The following NPTN variants were observed in gnomAD, a reference collection of about 807,000 sequenced individuals.
The protein encoded by NPTN is neuroplastin, also known as SDR-1.
A neutral mutation model predicts 42.7 loss-of-function variants in NPTN; 5 were observed. That is an observed-to-expected ratio of 0.12 (90% CI 0.06 to 0.25). The LOEUF (loss-of-function observed/expected upper bound fraction) is 0.25. NPTN is among the 10% of genes least tolerant of loss of function. NPTN has a pLI of 1.00. For synonymous variants in NPTN, 180 were observed against 201.9 expected (o/e 0.89, Z 0.92); for missense variants, 307 against 525.4 (o/e 0.58, Z 4.06).
Position 73,569,124 on chromosome 15 carries a change from C to T in NPTN, c.1114+1026G>A. On this transcript the variant is annotated intron_variant, in intron 6 of 8. Coordinates refer to ENST00000345330, the MANE Select transcript of NPTN (RefSeq NM_012428.4). This position sits in a 1 kb window ranked among gnomAD's most constrained non-coding sequence, Gnocchi z 4.1. ...ACCCCGGGTAGGCTACCACTGAGCC[C>T]AGGGGCACACCCATCTGTCTAGTCT... is the stretch of plus-strand genomic sequence containing the variant. The T allele has an allele frequency of 1.0e-6, 1 of 985,628 alleles. No homozygotes were observed. Among genetic ancestry groups the T allele is most frequent in the Non-Finnish European group, 1.2e-6 (1 of 830,092 alleles). 61.1% of individuals were successfully genotyped at this position (985,628 alleles called of 1,614,324 possible). A position where few individuals can be genotyped will look rare whatever the true frequency, so the allele number is the denominator to read the frequency against.
At chr15:73,574,819 C>T (rs535589191) in intron 4 of NPTN, among the ~76,000 whole-genome samples, 1 of 152,134 alleles carries the variant, frequency 6.6e-6, no homozygotes, top group Admixed American at 6.5e-5. Flanking sequence ...TGCTAGAGGC[C>T]GTTGGTCTTC....
intron 4 of NPTN, among the ~76,000 whole-genome samples, chr15:73,576,145 G>A (rs1895683439): frequency 6.6e-6 from 1 of 152,168 alleles, no homozygotes; most frequent in African/African-American, 2.4e-5. Flanking sequence ...ATGCCCGAAG[G>A]GTTACCATGT....
intron 4 of NPTN, among the ~76,000 whole-genome samples, chr15:73,577,406 C>A (rs1895757264): frequency 6.6e-6 from 1 of 152,158 alleles, no homozygotes; most frequent in African/African-American, 2.4e-5. Flanking sequence ...ACCGTCTTTG[C>A]AAAATTATGA....
Position 73,592,044 on chromosome 15 carries a change from G to A in NPTN, c.533C>T (p.Thr178Ile). The A allele has an allele frequency of 6.2e-7, 1 of 1,614,102 alleles. No homozygotes were observed. The highest frequency in any genetic ancestry group is 8.5e-7 in the Non-Finnish European group (1 of 1,179,984). ...CTTTGTCCAGTAGCTGTATGTAAGG[G>A]TGTGAGAGCTGGAGGTGAGGTTACA... is the stretch of plus-strand genomic sequence containing the variant. ...LQCNLTSSSH[T>I]LTYSYWTKNG... The change falls in exon 3 of 9, where the codon ACC (threonine) becomes ATC (isoleucine). Residue 178 changes from threonine (T) to isoleucine (I), a missense_variant. Around this residue, in one of 2 missense-constraint regions of NPTN, gnomAD observed 264 missense variants for 491.1 expected, o/e 0.54. Transcript: ENST00000345330.
intron 1 of NPTN, chr15:73,599,643 A>AAAGG (rs1336144728): frequency 1.4e-5 from 2 of 142,892 alleles, no homozygotes; most frequent in South Asian, 2.3e-4. Flanking sequence ...GAAAGAAAGA[A>AAAGG]AAGGAAGGGA....
In NPTN at chr15:73,561,931, C is replaced by T; in HGVS notation, c.1176G>A (p.Leu392=). The T allele has an allele frequency of 6.3e-7, 1 of 1,596,594 alleles. No individual in the cohort carries two copies. Among genetic ancestry groups the T allele is most frequent in the Non-Finnish European group, 8.5e-7 (1 of 1,175,254 alleles). ...GTACTTAATTTGTGTTTCTCTGGCGCAAGTTTTTATCTTTGTGATTGTTGG... is the reference window on the plus strand; with the variant it reads ...GTACTTAATTTGTGTTTCTCTGGCGTAAGTTTTTATCTTTGTGATTGTTGG... ...NSTNNHKDKN[L]RQRNTN The change falls in exon 8 of 9, where the codon TTG becomes TTA. Residue 392 remains leucine, a synonymous_variant. Transcript: ENST00000345330.
intron 7 of NPTN, among the ~76,000 whole-genome samples, 198 bp downstream of exon 7, chr15:73,563,038 G>A (rs1894777268): frequency 6.6e-6 from 1 of 152,044 alleles, no homozygotes; most frequent in African/African-American, 2.4e-5. Context: ...ATGGCCACTG[G>A]AAAACAAGAC....
chr15:73,615,104 T>A (rs2306463), intron 1 of NPTN, among the ~76,000 whole-genome samples: 2,130 of 152,090 alleles, frequency 0.014, 24 homozygotes, highest in East Asian at 0.054. Context: ...AAGAGATGGA[T>A]GTTCACAGTT....
At chr15:73,632,854 C>G in intron 1 of NPTN, 1 of 361,996 alleles carries the variant, frequency 2.8e-6, no homozygotes, top group East Asian at 4.1e-5. Context: ...CTCGCCGACC[C>G]GGCACGACGA....
At chr15:73,595,486 T>C (rs1317968681) in intron 2 of NPTN, among the ~76,000 whole-genome samples, 2 of 152,210 alleles carry the variant, frequency 1.3e-5, no homozygotes, top group Non-Finnish European at 2.9e-5. Flanking sequence ...GGACTCTTTT[T>C]TTACCCATAG....
At chr15:73,617,597 T>C (rs930932709) in intron 1 of NPTN, among the ~76,000 whole-genome samples, 1 of 152,186 alleles carries the variant, frequency 6.6e-6, no homozygotes, top group African/African-American at 2.4e-5. Flanking sequence ...CCTGTCAAGT[T>C]TTTCCAGTGG....
chr15:73,615,521 T>C (rs112070955), intron 1 of NPTN, among the ~76,000 whole-genome samples: 21 of 152,282 alleles, frequency 1.4e-4, no homozygotes, highest in African/African-American at 4.8e-4. Context: ...GCAATGCTTT[T>C]ACTATAAACA....
rs1894590955 is a variant in NPTN at position 73,560,367 on chromosome 15, AAAAGATAATC to A, written c.*686_*695del. 6.4e-6 allele frequency: 1 copy of A among 155,776 alleles called. No homozygotes were observed. The highest frequency in any genetic ancestry group is 6.5e-5 in the Admixed American group (1 of 15,304). 9.6% of individuals were successfully genotyped at this position (155,776 alleles called of 1,614,324 possible). A position where few individuals can be genotyped will look rare whatever the true frequency, so the allele number is the denominator to read the frequency against. ...ATGAATTTACATGACTTAACAGAAG[AAAAGATAATC>A]ACTTAAAAAGCAATCATACGTATAT... On this transcript the variant is annotated 3_prime_UTR_variant, in exon 9 of 9. Coordinates refer to ENST00000345330, the MANE Select transcript of NPTN (RefSeq NM_012428.4).
rs1566997863 is a variant in NPTN, at chr15:73,633,349, C to G, written c.-134G>C. The stretch of plus-strand genomic sequence containing the variant: ...GGAGGCAGCCGCGGCTCGGCTCCGT[C>G]CTTCCCCGTCCTCCTCCTGCCGCCG... On this transcript the variant is annotated 5_prime_UTR_variant, in exon 1 of 9. Transcript: ENST00000345330. 3 of 582,390 alleles carry G rather than the reference C, an allele frequency of 5.2e-6. No individual in the cohort carries two copies. The African/African-American group carries it at 5.8e-5, about 11-fold the overall frequency. 36.1% of individuals were successfully genotyped at this position (582,390 alleles called of 1,614,324 possible). A position where few individuals can be genotyped will look rare whatever the true frequency, so the allele number is the denominator to read the frequency against.
intron 2 of NPTN, among the ~76,000 whole-genome samples, chr15:73,596,456 C>A (rs1176320486): frequency 6.6e-6 from 1 of 152,150 alleles, no homozygotes; most frequent in African/African-American, 2.4e-5. Context: ...AAGGAAGAGG[C>A]TGGGCAGACA....
intron 4 of NPTN, among the ~76,000 whole-genome samples, chr15:73,580,508 T>TTA (rs1555408049): frequency 1.5e-5 from 2 of 131,616 alleles, no homozygotes; most frequent in Non-Finnish European, 3.1e-5. Context: ...AATATATATA[T>TTA]TATATATAAT....
At chr15:73,567,968 G>T (rs1023292532) in intron 6 of NPTN, 1 of 985,302 alleles carries the variant, frequency 1.0e-6, no homozygotes, top group Non-Finnish European at 1.2e-6. Flanking sequence ...TCTTTTAAGG[G>T]TAGGATTCAT....
At chr15:73,625,261 A>G (rs1343902270) in intron 1 of NPTN, among the ~76,000 whole-genome samples, 1 of 152,218 alleles carries the variant, frequency 6.6e-6, no homozygotes, top group Non-Finnish European at 1.5e-5. Context: ...AAGATATTAC[A>G]TATTTGTGTA....
intron 4 of NPTN, among the ~76,000 whole-genome samples, chr15:73,576,938 G>A (rs901825098): frequency 6.6e-6 from 1 of 152,212 alleles, no homozygotes; most frequent in Non-Finnish European, 1.5e-5. Context: ...GGACTGGAGA[G>A]AGAAAAATTA....
Sources: allele counts gnomAD v4.1 joint callset (sites outside exome capture counted in the v4.1 genomes callset), GRCh38; gene constraint gnomAD v4.1.1; regional missense constraint gnomAD v4.1.1; non-coding constraint Gnocchi (gnomAD v3.1); transcripts MANE v1.5; gene names NCBI Gene and HGNC (gene_info 2026-07-23, HGNC 2026-07-21).